The following LRRCC1 variants were observed in gnomAD, a reference collection of about 807,000 sequenced individuals.
LRRCC1 encodes leucine-rich repeat and coiled-coil domain-containing protein 1.
LRRCC1 carries 115 observed loss-of-function variants against 126.0 expected under a neutral mutation model. That is an observed-to-expected ratio of 0.91 (90% confidence interval 0.78 to 1.07). The LOEUF is 1.07. Ranked by LOEUF, LRRCC1 falls within the 50% of genes least tolerant of loss-of-function variation. The probability of loss-of-function intolerance (pLI) is 0.00; values close to 1 mark genes in which losing one functional copy is unlikely to be tolerated. For missense variants in LRRCC1, 1,172 were observed against 1,175.7 expected, an observed-to-expected ratio of 1.00 and a Z score of 0.05; for synonymous variants, 400 against 393.4, an observed-to-expected ratio of 1.02 and a Z score of -0.20.
chr8:85,122,894 GTA>G (rs1345880918), intron 6 of LRRCC1, among the ~76,000 whole-genome samples: 2 of 152,136 alleles, frequency 1.3e-5, no homozygotes, highest in Non-Finnish European at 2.9e-5. Flanking sequence ...GACTCAGATT[GTA>G]TGTTTTTCTC....
chr8:85,115,524 T>A lies in LRRCC1; in HGVS notation c.870T>A (p.Asp290Glu). 1 of 1,613,606 alleles carries A rather than the reference T, an allele frequency of 6.2e-7. No individual in the cohort carries two copies. The highest frequency in any genetic ancestry group is 8.5e-7 in the Non-Finnish European group (1 of 1,179,774). ...SEPEKNNHEN[D>E]LQNEIKLQKL... ...CAGAGAAAAATAATCATGAAAACGA[T>A]TTGCAGAATGAGATAAAACTTCAGA... Residue 290 changes from aspartate (D) to glutamate (E), a missense_variant, in exon 6 of 19, where the codon GAT (aspartate) becomes GAA (glutamate). Asp to Glu is a conservative substitution (Grantham distance 45). Coordinates refer to ENST00000360375, the MANE Select transcript of LRRCC1 (RefSeq NM_033402.5).
chr8:85,126,225 G>T (rs1333184414), intron 8 of LRRCC1, among the ~76,000 whole-genome samples: 2 of 152,086 alleles, frequency 1.3e-5, no homozygotes. Flanking sequence ...TATGTAGCAG[G>T]CACTGTTCTG....
chr8:85,125,688 A>AAAAAAAAAC (rs1305162431), intron 8 of LRRCC1, among the ~76,000 whole-genome samples: 1 of 149,306 alleles, frequency 6.7e-6, no homozygotes, highest in Admixed American at 6.7e-5. Context: ...AAAAAAAAAA[A>AAAAAAAAAC]AGAGGTGTTC....
In LRRCC1 at chr8:85,137,636, G is replaced by T; in HGVS notation, c.2493+9G>T. 7.0e-7 allele frequency: 1 copy of T among 1,423,986 alleles called. No homozygotes were observed. Among genetic ancestry groups the T allele is most frequent in the South Asian group, 1.8e-5 (1 of 55,550 alleles). 88.2% of individuals were successfully genotyped at this position (1,423,986 alleles called of 1,614,324 possible). On this transcript the variant is annotated intron_variant, in intron 15 of 18. Coordinates refer to ENST00000360375, the MANE Select transcript of LRRCC1 (RefSeq NM_033402.5). ...TTAGAAAATTAAAAGATGTAAGTTT[G>T]ACATTTTATTTTGGTTAAAGAGCAA...
At chr8:85,133,182 GT>G (rs1378648475) in intron 12 of LRRCC1, among the ~76,000 whole-genome samples, 1 of 152,164 alleles carries the variant, frequency 6.6e-6, no homozygotes, top group Non-Finnish European at 1.5e-5. Flanking sequence ...CACTATGAAA[GT>G]TGTGAGTCAA....
intron 18 of LRRCC1, among the ~76,000 whole-genome samples, chr8:85,144,444 G>GTATATA (rs869241784): frequency 1.1e-4 from 13 of 114,920 alleles, no homozygotes; most frequent in Admixed American, 6.9e-4. Flanking sequence ...GTGTGTGTGT[G>GTATATA]TATATATATA....
chr8:85,139,929 G>GT (rs1416007426), intron 17 of LRRCC1, among the ~76,000 whole-genome samples: 2 of 152,266 alleles, frequency 1.3e-5, no homozygotes, highest in Middle Eastern at 3.4e-3. Flanking sequence ...TAGCACAGTT[G>GT]TTTTCTGTTG....
At chr8:85,119,386 T>C (rs73261883) in intron 6 of LRRCC1, among the ~76,000 whole-genome samples, 6,175 of 152,228 alleles carry the variant, frequency 0.041, 423 homozygotes, top group African/African-American at 0.14. Flanking sequence ...TTTCAGAGAA[T>C]AGACTTTTGG....
In LRRCC1 at chr8:85,113,098, AG is replaced by A. The variant is rs1381392430; in HGVS notation, c.544+1del. 4 of 1,593,436 alleles carry A rather than the reference AG, an allele frequency of 2.5e-6. No homozygotes were observed. Among genetic ancestry groups the A allele is most frequent in the Non-Finnish European group, 3.4e-6 (4 of 1,172,190 alleles). On this transcript the variant is annotated frameshift_variant and splice_region_variant, in exon 4 of 19. Transcript: ENST00000360375. LOFTEE classifies it high-confidence loss of function. ...GDDNPVCRLP[G>X]YRAVILQTLP... is the part of the protein sequence containing the mutation. ...ACGATAATCCTGTCTGTCGACTGCC[AG>A]GTATGAATAATTAATTTAATATTTT...
rs1187367580 is a variant in LRRCC1, at chr8:85,138,212, G to A, written c.2671G>A (p.Val891Ile). The stretch of plus-strand genomic sequence containing the variant: ...AAAACAACAGTTGAAAGGAAAGGAA[G>A]TAGAACTTGAAGAAATCAGAAAAGC... ...KLKQQLKGKE[V>I]ELEEIRKAYS... is the part of the protein sequence containing the mutation. The change falls in exon 16 of 19, where the codon GTA becomes ATA. Residue 891 changes from valine to isoleucine, a missense_variant. By Grantham distance (29) the Val-to-Ile change is conservative. Transcript: ENST00000360375. The A allele has an allele frequency of 3.1e-6, 5 of 1,609,606 alleles. No homozygotes were observed. The Admixed American group carries it at 6.8e-5, about 22-fold the overall frequency.
At chr8:85,127,805 C>T (rs990081656) in intron 9 of LRRCC1, among the ~76,000 whole-genome samples, 1 of 152,178 alleles carries the variant, frequency 6.6e-6, no homozygotes, top group East Asian at 1.9e-4. Flanking sequence ...ATCACTAGCC[C>T]TTCTACCACT....
chr8:85,135,061 A>C, intron 13 of LRRCC1, 29 bp downstream of exon 13: 1 of 1,410,164 alleles, frequency 7.1e-7, no homozygotes, highest in South Asian at 1.8e-5. Context: ...ATATGTTTTA[A>C]AATTTTTTTA....
At chr8:85,141,938 T>A (rs143824677) in intron 18 of LRRCC1, among the ~76,000 whole-genome samples, 352 of 152,306 alleles carry the variant, frequency 2.3e-3, no homozygotes, top group African/African-American at 8.1e-3. Context: ...ATTAATAAAG[T>A]AATGAGTTTA....
At chr8:85,110,854 T>C (rs555615546) in intron 3 of LRRCC1, among the ~76,000 whole-genome samples, 2 of 152,344 alleles carry the variant, frequency 1.3e-5, no homozygotes, top group South Asian at 4.1e-4. Context: ...CCTAGAATTA[T>C]CTGTTAAAAC....
At chr8:85,110,080 TA>T (rs758877193) in intron 2 of LRRCC1, 34 bp from the exon 3 acceptor site, 17 of 901,980 alleles carry the variant, frequency 1.9e-5, no homozygotes, top group Non-Finnish European at 2.9e-5. Context: ...TTAAATTTTA[TA>T]AAGGCTTTAT....
At chr8:85,112,064 G>C (rs1808768725) in intron 3 of LRRCC1, among the ~76,000 whole-genome samples, 1 of 151,970 alleles carries the variant, frequency 6.6e-6, no homozygotes, top group Admixed American at 6.6e-5. Context: ...GTTTTGCCAT[G>C]GTGGCCAGGC....
In LRRCC1 at chr8:85,126,740, C is replaced by T; in HGVS notation, c.1324C>T (p.Gln442Ter). The change falls in exon 9 of 19, where the codon CAA (glutamine) becomes TAA (stop). Residue 442 changes from glutamine to a stop codon, truncating the protein, a stop_gained. Coordinates refer to ENST00000360375, the MANE Select transcript of LRRCC1 (RefSeq NM_033402.5). LOFTEE classifies it high-confidence loss of function. ...QEREKRWRAE[Q>*]AENKLMDYID... ...GAGAGAGAAGAGATGGAGAGCTGAG[C>T]AAGCCGAAAATAAACTCATGGATTA... 5.0e-6 allele frequency: 8 copies of T among 1,611,194 alleles called. No individual in the cohort carries two copies. Among genetic ancestry groups the T allele is most frequent in the Non-Finnish European group, 6.8e-6 (8 of 1,179,452 alleles).
At chr8:85,145,117 G>GTATATATATATATATATATA (rs10647086) in intron 18 of LRRCC1, among the ~76,000 whole-genome samples, 3 of 143,332 alleles carry the variant, frequency 2.1e-5, no homozygotes, top group African/African-American at 7.7e-5. Flanking sequence ...ATATATGTGT[G>GTATATATATATATATATATA]TATATATATA....
At chr8:85,138,825 A>G (rs533194871) in intron 17 of LRRCC1, among the ~76,000 whole-genome samples, 1 of 152,250 alleles carries the variant, frequency 6.6e-6, no homozygotes, top group East Asian at 1.9e-4. Context: ...TGGGTGGATC[A>G]CCTGAGATTA....
Sources: gnomAD v4.1 joint callset for allele counts (sites outside exome capture counted in the v4.1 genomes callset) on GRCh38, gnomAD v4.1.1 for gene constraint, MANE v1.5 for transcripts, NCBI Gene and HGNC (gene_info 2026-07-23, HGNC 2026-07-21) for gene names.